WWP2: variants seen among roughly 807,000 people sequenced by gnomAD.
The protein encoded by WWP2 is NEDD4-like E3 ubiquitin-protein ligase WWP2.
WWP2 carries 57 observed loss-of-function variants against 121.0 expected under a neutral mutation model. The ratio of observed to expected loss-of-function variants is 0.47; its 90% confidence interval spans 0.38 to 0.59. The LOEUF (loss-of-function observed/expected upper bound fraction) is 0.59, where lower values mean the gene tolerates loss of function less well. Among genes scored for constraint, WWP2 ranks in the 20% least tolerant of loss-of-function variants. WWP2 has a pLI of 0.00. For missense variants in WWP2, 962 were observed against 1,158.9 expected (o/e 0.83, Z 2.47); for synonymous variants, 449 against 441.3 (o/e 1.02, Z -0.22).
At chr16:69,880,896 A>G (rs1420916287) in intron 7 of WWP2, among the ~76,000 whole-genome samples, 5 of 152,178 alleles carry the variant, frequency 3.3e-5, no homozygotes, top group Admixed American at 3.3e-4. Context: ...CGAGTCTGTG[A>G]TACACCACAC....
intron 1 of WWP2, among the ~76,000 whole-genome samples, chr16:69,768,584 T>C (rs558967473): frequency 5.9e-4 from 90 of 152,160 alleles, no homozygotes; most frequent in Non-Finnish European, 1.1e-3. Flanking sequence ...CCCTCTAGCC[T>C]GGGCAACAAG....
chr16:69,848,209 G>A (rs1041688314), intron 6 of WWP2, among the ~76,000 whole-genome samples: 20 of 152,308 alleles, frequency 1.3e-4, no homozygotes, highest in African/African-American at 3.8e-4. Context: ...CCAGCGCTTT[G>A]GGAGGCTGAG....
chr16:69,936,544 G>A (rs1260820229), intron 19 of WWP2, 92 bp downstream of exon 19: 27 of 1,544,662 alleles, frequency 1.7e-5, no homozygotes, highest in African/African-American at 5.5e-5. Context: ...GTGGCCCATC[G>A]GTCACTGTGG....
chr16:69,812,572 G>T (rs1194733357), intron 4 of WWP2, among the ~76,000 whole-genome samples: 5 of 149,344 alleles, frequency 3.3e-5, no homozygotes, highest in Admixed American at 1.4e-4. Context: ...TCTATCTCCT[G>T]GGCTCGAGGA....
At chr16:69,770,910 A>G (rs1249825705) in intron 1 of WWP2, among the ~76,000 whole-genome samples, 2 of 151,240 alleles carry the variant, frequency 1.3e-5, no homozygotes, top group Non-Finnish European at 2.9e-5. Flanking sequence ...AGGTAGGAGG[A>G]TCGCTTGAGC....
intron 4 of WWP2, among the ~76,000 whole-genome samples, chr16:69,824,760 C>G (rs1051220594): frequency 7.0e-6 from 1 of 143,776 alleles, no homozygotes; most frequent in African/African-American, 2.6e-5. Context: ...CAACTTTGCA[C>G]CTGTGGCTTT....
intron 6 of WWP2, among the ~76,000 whole-genome samples, chr16:69,853,160 T>TG (rs1294133282): frequency 6.6e-6 from 1 of 152,194 alleles, no homozygotes; most frequent in African/African-American, 2.4e-5. Context: ...CTATATCAGT[T>TG]GGGGTTCATT....
chr16:69,876,288 A>G (rs1430521646), intron 7 of WWP2, among the ~76,000 whole-genome samples: 1 of 150,702 alleles, frequency 6.6e-6, no homozygotes, highest in African/African-American at 2.4e-5. Flanking sequence ...CATCAGAGGA[A>G]TCATGATCTA....
intron 4 of WWP2, among the ~76,000 whole-genome samples, chr16:69,808,158 A>C (rs2056318835): frequency 1.3e-5 from 2 of 152,130 alleles, no homozygotes; most frequent in South Asian, 4.1e-4. Context: ...AGCTTTGCCT[A>C]GTATTGAATT....
intron 8 of WWP2, among the ~76,000 whole-genome samples, chr16:69,907,051 G>GAGAAAA (rs2058305794): frequency 6.6e-6 from 1 of 152,194 alleles, no homozygotes; most frequent in South Asian, 2.1e-4. Flanking sequence ...TAACACTACA[G>GAGAAAA]TAAATATGGC....
chr16:69,912,713 C>T (rs1376441400), intron 9 of WWP2, among the ~76,000 whole-genome samples: 1 of 151,166 alleles, frequency 6.6e-6, no homozygotes, highest in East Asian at 1.9e-4. Context: ...TCTGAGGATA[C>T]AGAACTCAGT....
At chr16:69,932,913 G>C (rs989538247) in intron 16 of WWP2, among the ~76,000 whole-genome samples, 1 of 152,204 alleles carries the variant, frequency 6.6e-6, no homozygotes, top group African/African-American at 2.4e-5. Context: ...GACCTCTCCC[G>C]GTGTGGGCAT....
chr16:69,936,674 T>C, intron 19 of WWP2: 1 of 613,592 alleles, frequency 1.6e-6, no homozygotes, highest in South Asian at 2.0e-5. Flanking sequence ...TTTCGCCATG[T>C]GGGAGACTTC....
intron 4 of WWP2, among the ~76,000 whole-genome samples, chr16:69,817,525 C>G (rs1228083378): frequency 1.3e-5 from 2 of 152,176 alleles, no homozygotes; most frequent in African/African-American, 4.8e-5. Flanking sequence ...GCTGGGATTA[C>G]AGGTGTGAGC....
Position 69,861,063 on chromosome 16 carries a change from T to C in WWP2, c.576-10741T>C, listed in dbSNP as rs114580655. Among the ~76,000 whole-genome samples the C allele has an allele frequency of 9.8e-3, 1,486 of 152,292 alleles. 30 individuals are homozygous for C. Among genetic ancestry groups the C allele is most frequent in the African/African-American group, 0.032 (1,349 of 41,572 alleles). On this transcript the variant is annotated intron_variant, in intron 6 of 23. Transcript: ENST00000359154. ...TCCTTGGGGGCCAGCCCCATGGAGATTCCTCCTGTGCACAGTGGAGGTTGA... is the reference window on the plus strand; with the variant it reads ...TCCTTGGGGGCCAGCCCCATGGAGACTCCTCCTGTGCACAGTGGAGGTTGA...
rs142996645 is a variant in WWP2, at chr16:69,784,971, C to T, written c.-15-2025C>T. Among the ~76,000 whole-genome samples the T allele has an allele frequency of 2.7e-5, 4 of 150,654 alleles. No homozygotes were observed. The East Asian group carries it at 7.8e-4, about 29-fold the overall frequency. On this transcript the variant is annotated intron_variant, in intron 1 of 23. Transcript: ENST00000359154. ...GAAAGAGTGGTCGAGTGCAGTGGTT[C>T]ACACCTGTAATCCCAGCACTTTGGG...
At position 69,797,836 on chromosome 16, in the gene WWP2, C is replaced by T. The variant is rs1223842688; in HGVS notation, c.71-846C>T. Among the ~76,000 whole-genome samples, 13 of 151,626 alleles carry T rather than the reference C, an allele frequency of 8.6e-5. No individual in the cohort carries two copies. The East Asian group carries it at 1.2e-3, about 14-fold the overall frequency. Reference sequence around the variant, plus strand: ...CTGGGAGGCAGAGGTTGCAGTGAGCCGAGATTGTGGCATTACACTCCAGCC... The same window carrying T: ...CTGGGAGGCAGAGGTTGCAGTGAGCTGAGATTGTGGCATTACACTCCAGCC... On this transcript the variant is annotated intron_variant, in intron 2 of 23. Transcript: ENST00000359154.
At chr16:69,871,677 G>C in intron 6 of WWP2, 127 bp from the exon 7 acceptor site, 6 of 1,377,472 alleles carry the variant, frequency 4.4e-6, no homozygotes, top group Non-Finnish European at 5.0e-6. Flanking sequence ...TCCAAAACTA[G>C]AGGGGCTATT....
intron 4 of WWP2, among the ~76,000 whole-genome samples, chr16:69,830,412 G>A (rs1371068600): frequency 6.6e-6 from 1 of 152,088 alleles, no homozygotes; most frequent in African/African-American, 2.4e-5. Flanking sequence ...CTGAATGAAT[G>A]AACAAGAAAC....
Sources: gnomAD v4.1 joint callset for allele counts (sites outside exome capture counted in the v4.1 genomes callset) on GRCh38, gnomAD v4.1.1 for gene constraint, MANE v1.5 for transcripts, NCBI Gene and HGNC (gene_info 2026-07-23, HGNC 2026-07-21) for gene names.